The following MARCHF3 variants were observed in gnomAD, a reference collection of about 807,000 sequenced individuals.
The protein encoded by MARCHF3 is membrane associated ring-CH-type finger 3.
MARCHF3 carries 13 observed loss-of-function variants against 24.2 expected under a neutral mutation model. That is an observed-to-expected ratio of 0.54 (90% CI 0.35 to 0.85). The LOEUF (loss-of-function observed/expected upper bound fraction) is 0.85, where lower values mean the gene tolerates loss of function less well. MARCHF3 is among the 40% of genes least tolerant of loss of function. The pLI, the probability that MARCHF3 is intolerant of heterozygous loss-of-function variation, is 0.01. For synonymous variants in MARCHF3, 144 were observed against 137.3 expected, an observed-to-expected ratio of 1.05 and a Z score of -0.34; for missense variants, 276 against 325.0, an observed-to-expected ratio of 0.85 and a Z score of 1.16.
intron 3 of MARCHF3, among the ~76,000 whole-genome samples, chr5:126,880,925 G>C (rs1476632796): frequency 6.6e-6 from 1 of 152,042 alleles, no homozygotes; most frequent in Non-Finnish European, 1.5e-5. Context: ...TTTTGCTTGG[G>C]AATTCTGGAT....
chr5:126,991,151 A>C (rs147020701), intron 1 of MARCHF3, among the ~76,000 whole-genome samples: 2,503 of 152,320 alleles, frequency 0.016, 64 homozygotes, highest in African/African-American at 0.057. Flanking sequence ...ACCAACCCAA[A>C]TGTCCATCAA....
intron 3 of MARCHF3, among the ~76,000 whole-genome samples, chr5:126,903,042 T>C (rs1754158527): frequency 6.6e-6 from 1 of 152,128 alleles, no homozygotes; most frequent in Non-Finnish European, 1.5e-5. Flanking sequence ...TTCATTTACC[T>C]TGTGATTTTG....
At chr5:126,908,504 G>A (rs1423434772) in intron 3 of MARCHF3, among the ~76,000 whole-genome samples, 8 of 152,100 alleles carry the variant, frequency 5.3e-5, no homozygotes, top group Non-Finnish European at 1.2e-4. Flanking sequence ...ATATTTCTTG[G>A]AGGCTTTGCT....
intron 3 of MARCHF3, chr5:126,899,192 T>C: frequency 2.0e-6 from 2 of 985,242 alleles, no homozygotes; most frequent in South Asian, 4.7e-5. Context: ...ATACATTCCA[T>C]GAAGAATGAG....
intron 1 of MARCHF3, among the ~76,000 whole-genome samples, chr5:126,953,603 A>G (rs1750326530): frequency 6.6e-6 from 1 of 152,244 alleles, no homozygotes; most frequent in Non-Finnish European, 1.5e-5. Flanking sequence ...TTGCTATACA[A>G]TATGGAAGTA....
chr5:126,872,464 CAG>C (rs779591174), intron 4 of MARCHF3, among the ~76,000 whole-genome samples: 7 of 152,100 alleles, frequency 4.6e-5, no homozygotes, highest in Non-Finnish European at 1.0e-4. Context: ...CCAAGAAATT[CAG>C]AGTCTGATGT....
intron 3 of MARCHF3, among the ~76,000 whole-genome samples, chr5:126,886,406 A>T (rs1486833662): frequency 1.3e-5 from 2 of 152,144 alleles, no homozygotes; most frequent in Admixed American, 6.5e-5. Flanking sequence ...GAGGCAGGGG[A>T]CAGGACACCA....
At chr5:126,986,448 A>C (rs1469503330) in intron 1 of MARCHF3, among the ~76,000 whole-genome samples, 3 of 152,264 alleles carry the variant, frequency 2.0e-5, no homozygotes, top group Non-Finnish European at 4.4e-5. Flanking sequence ...AATGTGAATA[A>C]ACCCTTTAAA....
At chr5:127,011,059 T>G (rs914313704) in intron 1 of MARCHF3, among the ~76,000 whole-genome samples, 1 of 152,180 alleles carries the variant, frequency 6.6e-6, no homozygotes, top group South Asian at 2.1e-4. Context: ...ATAATATAAA[T>G]AATAAAAAAT....
At chr5:127,014,544 T>C (rs1405204411) in intron 1 of MARCHF3, among the ~76,000 whole-genome samples, 2 of 149,996 alleles carry the variant, frequency 1.3e-5, no homozygotes, top group East Asian at 2.0e-4. Flanking sequence ...AGCCAAAATA[T>C]GGAATCAACC....
At chr5:127,022,797 T>C (rs1486952737) in intron 1 of MARCHF3, among the ~76,000 whole-genome samples, 1 of 152,172 alleles carries the variant, frequency 6.6e-6, no homozygotes, top group Non-Finnish European at 1.5e-5. Flanking sequence ...AACATTTAAG[T>C]ACCTCCTAGG....
intron 1 of MARCHF3, among the ~76,000 whole-genome samples, chr5:126,957,056 G>A (rs949241682): frequency 1.3e-5 from 2 of 151,158 alleles, no homozygotes; most frequent in African/African-American, 4.9e-5. Context: ...CACTGTGCCC[G>A]GCTAAGAATG....
chr5:126,987,339 T>C (rs1309463460), intron 1 of MARCHF3, among the ~76,000 whole-genome samples: 1 of 152,226 alleles, frequency 6.6e-6, no homozygotes, highest in African/African-American at 2.4e-5. Flanking sequence ...TCAAGTTTTG[T>C]TCTTACCACA....
At chr5:127,029,565 T>C (rs1396366575) in intron 1 of MARCHF3, among the ~76,000 whole-genome samples, 1 of 152,160 alleles carries the variant, frequency 6.6e-6, no homozygotes, top group Non-Finnish European at 1.5e-5. Flanking sequence ...AACCTTGAGT[T>C]CTCTGCTGTC....
chr5:126,999,609 C>T (rs929985175), intron 1 of MARCHF3, among the ~76,000 whole-genome samples: 3 of 152,166 alleles, frequency 2.0e-5, no homozygotes, highest in Admixed American at 6.5e-5. Flanking sequence ...CTGACTTGGT[C>T]GCTGGTATTC....
At chr5:126,894,888 A>G (rs1753819200) in intron 3 of MARCHF3, among the ~76,000 whole-genome samples, 1 of 151,710 alleles carries the variant, frequency 6.6e-6, no homozygotes, top group Non-Finnish European at 1.5e-5. Flanking sequence ...TCTCCTGGAT[A>G]ATATCCTGCA....
chr5:126,992,928 T>A (rs1305279978), intron 1 of MARCHF3, among the ~76,000 whole-genome samples: 1 of 152,062 alleles, frequency 6.6e-6, no homozygotes, highest in Non-Finnish European at 1.5e-5. Context: ...CCAGCCACCA[T>A]GCCTGGCTAA....
At position 126,926,226 on chromosome 5, in the gene MARCHF3, G is replaced by A. The variant is rs897151095; in HGVS notation, c.-56-7999C>T. Among the ~76,000 whole-genome samples the A allele has an allele frequency of 3.9e-5, 6 of 152,082 alleles. No homozygotes were observed. In the South Asian group the frequency reaches 6.2e-4, roughly 16 times the overall value. On this transcript the variant is annotated intron_variant, in intron 1 of 4. Transcript: ENST00000308660. ...CAGTTGTGAGCTTATTTTAAATCAG[G>A]GTTCCTTGGAACTTTCCTCTTCCTC...
intron 3 of MARCHF3, among the ~76,000 whole-genome samples, chr5:126,900,612 A>G (rs948452758): frequency 1.2e-3 from 5 of 4,136 alleles, no homozygotes; most frequent in African/African-American, 1.3e-3. Context: ...TTCAGTTTAC[A>G]GTATTTCATT....
Sources: gnomAD v4.1 joint callset for allele counts (sites outside exome capture counted in the v4.1 genomes callset) on GRCh38, gnomAD v4.1.1 for gene constraint, MANE v1.5 for transcripts, NCBI Gene and HGNC (gene_info 2026-07-23, HGNC 2026-07-21) for gene names.